Variants in ZNF675 observed in about 807,000 individuals in gnomAD.
ZNF675 encodes zinc finger protein 675.
ZNF675 carries 36 observed loss-of-function variants against 56.1 expected under a neutral mutation model. The ratio of observed to expected loss-of-function variants is 0.64; its 90% CI spans 0.49 to 0.85. The LOEUF (loss-of-function observed/expected upper bound fraction) is 0.85, where lower values mean the gene tolerates loss of function less well. Among genes scored for constraint, ZNF675 ranks in the 40% least tolerant of loss-of-function variants. ZNF675 has a pLI of 0.00. For synonymous variants in ZNF675, 200 were observed against 218.9 expected, an observed-to-expected ratio of 0.91 and a Z score of 0.76; for missense variants, 663 against 654.2, an observed-to-expected ratio of 1.01 and a Z score of -0.15.
chr19:23,678,789 T>A (rs1833252467), intron 1 of ZNF675, among the ~76,000 whole-genome samples: 1 of 151,596 alleles, frequency 6.6e-6, no homozygotes, highest in Non-Finnish European at 1.5e-5. Context: ...TAAAACCATC[T>A]GATCTTCAAC....
chr19:23,673,497 C>CAATT (rs1464873151), intron 1 of ZNF675, among the ~76,000 whole-genome samples: 1 of 152,214 alleles, frequency 6.6e-6, no homozygotes, highest in Non-Finnish European at 1.5e-5. Flanking sequence ...ATAGGAGAGA[C>CAATT]AATTCTGCCT....
chr19:23,683,961 T>TA (rs1181490676), intron 1 of ZNF675, among the ~76,000 whole-genome samples: 1 of 152,118 alleles, frequency 6.6e-6, no homozygotes, highest in African/African-American at 2.4e-5. Flanking sequence ...AATTTACATT[T>TA]AAAAAAACTA....
Position 23,653,433 on chromosome 19 carries a change from T to C in ZNF675, c.1500A>G (p.Arg500=). The change falls in exon 4 of 4, where the codon AGA becomes AGG. Residue 500 remains arginine, a synonymous_variant. Transcript: ENST00000359788. ...KHSSSLTTHK[R]IHTGEKPYKC... is the part of the protein sequence containing the mutation. ...TGTAGGGTTTCTCCCCAGTATGAAT[T>C]CTTTTATGTGTAGTAAGGGATGAGG... is the stretch of plus-strand genomic sequence containing the variant. 1 of 1,612,848 alleles carries C rather than the reference T, an allele frequency of 6.2e-7. No individual in the cohort carries two copies. The highest frequency in any genetic ancestry group is 2.2e-5 in the East Asian group (1 of 44,790).
intron 1 of ZNF675, among the ~76,000 whole-genome samples, chr19:23,679,990 C>A: frequency 7.1e-6 from 1 of 141,214 alleles, no homozygotes. Flanking sequence ...GACTCCGTAC[C>A]CCCCCCCAAA....
rs763258845 is a variant in ZNF675, at chr19:23,654,403, C to T, written c.530G>A (p.Cys177Tyr). 6.2e-7 allele frequency: 1 copy of T among 1,610,822 alleles called. No individual in the cohort carries two copies. The highest frequency in any genetic ancestry group is 1.1e-5 in the South Asian group (1 of 90,752). ...MENKPFKCKE[C>Y]GRSFCMLSHL... ...TGAAAGCATGCAAAATGATCTGCCA[C>T]ATTCTTTACATTTGAAAGGTTTATT... The change falls in exon 4 of 4, where the codon TGT (cysteine) becomes TAT (tyrosine). Residue 177 changes from cysteine (C) to tyrosine (Y), a missense_variant. By Grantham distance (194) the Cys-to-Tyr change is radical. Coordinates refer to ENST00000359788, the MANE Select transcript of ZNF675 (RefSeq NM_138330.3).
chr19:23,676,943 G>A (rs1390299935), intron 1 of ZNF675, among the ~76,000 whole-genome samples: 3 of 150,840 alleles, frequency 2.0e-5, no homozygotes, highest in Non-Finnish European at 4.4e-5. Context: ...GCGTGGTGGC[G>A]GGCGCCTGTA....
intron 1 of ZNF675, among the ~76,000 whole-genome samples, chr19:23,685,609 T>A (rs984298848): frequency 6.6e-6 from 1 of 152,202 alleles, no homozygotes; most frequent in Non-Finnish European, 1.5e-5. Flanking sequence ...TACAATACAG[T>A]ATCAGGGAAT....
intron 1 of ZNF675, among the ~76,000 whole-genome samples, chr19:23,676,235 C>A (rs1413908506): frequency 6.6e-6 from 1 of 151,606 alleles, no homozygotes; most frequent in Non-Finnish European, 1.5e-5. Context: ...AAAAAAAGCC[C>A]AGGACCAGAC....
intron 1 of ZNF675, among the ~76,000 whole-genome samples, chr19:23,684,052 GAGATCA>G (rs1442970271): frequency 6.6e-6 from 1 of 151,742 alleles, no homozygotes; most frequent in East Asian, 2.0e-4. Flanking sequence ...ACGAGGTCAG[GAGATCA>G]AGACCATCCT....
intron 1 of ZNF675, among the ~76,000 whole-genome samples, chr19:23,669,546 G>C (rs62118303): frequency 6.6e-6 from 1 of 152,026 alleles, no homozygotes; most frequent in Non-Finnish European, 1.5e-5. Flanking sequence ...AGAGTTAAAG[G>C]GTTGCTTTAA....
At chr19:23,658,798 G>GAT (rs1968023348) in intron 3 of ZNF675, 2 of 121,842 alleles carry the variant, frequency 1.6e-5, no homozygotes, top group Non-Finnish European at 3.5e-5. Context: ...TATATCTATA[G>GAT]ATATCTATAG....
intron 1 of ZNF675, among the ~76,000 whole-genome samples, chr19:23,686,821 T>C (rs1968448655): frequency 6.6e-6 from 1 of 152,072 alleles, no homozygotes. Flanking sequence ...GCACAGTCAC[T>C]AGGCAGAGAA....
chr19:23,666,214 A>C (rs1968148643), intron 1 of ZNF675, among the ~76,000 whole-genome samples: 1 of 152,248 alleles, frequency 6.6e-6, no homozygotes, highest in Non-Finnish European at 1.5e-5. Context: ...GGCAGATAGG[A>C]AATTGGCTGT....
At chr19:23,683,953 T>C (rs1249893509) in intron 1 of ZNF675, among the ~76,000 whole-genome samples, 4 of 152,028 alleles carry the variant, frequency 2.6e-5, no homozygotes, top group Non-Finnish European at 4.4e-5. Context: ...TAAAATGCAA[T>C]TTACATTTAA....
In ZNF675 at chr19:23,653,283, G is replaced by A. The variant is rs780721744; in HGVS notation, c.1650C>T (p.Asn550=). The A allele has an allele frequency of 1.2e-6, 2 of 1,613,028 alleles. No homozygotes were observed. Among genetic ancestry groups the A allele is most frequent in the African/African-American group, 1.3e-5 (1 of 74,834 alleles). Residue 550 remains asparagine (N), a synonymous_variant, in exon 4 of 4, where the codon AAC becomes AAT. Coordinates refer to ENST00000359788, the MANE Select transcript of ZNF675 (RefSeq NM_138330.3). ...RCDKAFNQSA[N]LTKHKKIHTG... is the part of the protein sequence containing the mutation. ...TATGTATTTTTTTATGTTTAGTAAG[G>A]TTTGCAGATTGGTTAAAAGCTTTGT... is the stretch of plus-strand genomic sequence containing the variant.
intron 3 of ZNF675, among the ~76,000 whole-genome samples, chr19:23,657,681 C>T (rs1968005977): frequency 1.3e-5 from 2 of 152,152 alleles, no homozygotes; most frequent in African/African-American, 4.8e-5. Flanking sequence ...CACACCACTG[C>T]ACTCCAGCCT....
intron 3 of ZNF675, chr19:23,658,512 T>A (rs929125553): frequency 6.6e-6 from 1 of 152,084 alleles, no homozygotes; most frequent in Admixed American, 6.6e-5. Context: ...AAACCCCATC[T>A]CTACTAAAAG....
chr19:23,686,752 A>G (rs1178157194), intron 1 of ZNF675, among the ~76,000 whole-genome samples: 2 of 152,176 alleles, frequency 1.3e-5, no homozygotes, highest in Non-Finnish European at 2.9e-5. Flanking sequence ...TCCCTGCACA[A>G]TCTGAGAGAA....
At position 23,663,932 on chromosome 19, in the gene ZNF675, A is replaced by C. The variant is rs1968116113; in HGVS notation, c.4-774T>G. ...ACACCTTTGCATGTTCAATAGCCAC[A>C]GGTAACATTTTTAATATTGCAGATT... On this transcript the variant is annotated intron_variant, in intron 1 of 3. Coordinates refer to ENST00000359788, the MANE Select transcript of ZNF675 (RefSeq NM_138330.3). Among the ~76,000 whole-genome samples the C allele has an allele frequency of 3.9e-5, 6 of 152,364 alleles. No individual in the cohort carries two copies. In the South Asian group the frequency reaches 1.2e-3, roughly 32 times the overall value.
Sources: allele counts gnomAD v4.1 joint callset (sites outside exome capture counted in the v4.1 genomes callset), GRCh38; gene constraint gnomAD v4.1.1; transcripts MANE v1.5; gene names NCBI Gene and HGNC (gene_info 2026-07-23, HGNC 2026-07-21).